Variants in KCNT2 observed in about 807,000 individuals in gnomAD.
KCNT2 encodes potassium sodium-activated channel subfamily T member 2.
A neutral mutation model predicts 153.8 loss-of-function variants in KCNT2; 67 were observed. The ratio of observed to expected loss-of-function variants is 0.44; its 90% confidence interval spans 0.36 to 0.53. The LOEUF is 0.53. Ranked by LOEUF, KCNT2 falls within the 20% of genes least tolerant of loss-of-function variation. The pLI is 0.00. For synonymous variants in KCNT2, 500 were observed against 458.8 expected, an observed-to-expected ratio of 1.09 and a Z score of -1.15; for missense variants, 975 against 1,354.8, an observed-to-expected ratio of 0.72 and a Z score of 4.40.
chr1:196,382,857 T>G (rs1290082593), intron 13 of KCNT2, among the ~76,000 whole-genome samples: 1 of 152,146 alleles, frequency 6.6e-6, no homozygotes, highest in Non-Finnish European at 1.5e-5. Flanking sequence ...TTGAGCTGCC[T>G]GAACATGAGT....
chr1:196,293,961 G>A (rs889870138), intron 22 of KCNT2, among the ~76,000 whole-genome samples: 13 of 151,456 alleles, frequency 8.6e-5, no homozygotes, highest in South Asian at 2.1e-4. Context: ...CATTTGATAG[G>A]GGGCTCATAT....
At chr1:196,350,265 C>A (rs141043346) in intron 14 of KCNT2, among the ~76,000 whole-genome samples, 7,406 of 152,154 alleles carry the variant, frequency 0.049, 276 homozygotes, top group Non-Finnish European at 0.072. Context: ...AGTTCTAGAT[C>A]CCTGAGGAAT....
chr1:196,314,384 T>C (rs1662497728), intron 21 of KCNT2, among the ~76,000 whole-genome samples: 1 of 151,586 alleles, frequency 6.6e-6, no homozygotes, highest in Non-Finnish European at 1.5e-5. Flanking sequence ...TTCTTTTATA[T>C]TCTCTAGAGA....
chr1:196,431,019 T>C (rs866830413), intron 8 of KCNT2, among the ~76,000 whole-genome samples: 1 of 152,120 alleles, frequency 6.6e-6, no homozygotes, highest in African/African-American at 2.4e-5. Context: ...AGCAATCTTA[T>C]AAAAGTGTTG....
At chr1:196,338,971 AAAAG>A (rs1665316743) in intron 16 of KCNT2, among the ~76,000 whole-genome samples, 1 of 151,420 alleles carries the variant, frequency 6.6e-6, no homozygotes, top group African/African-American at 2.4e-5. Flanking sequence ...AAAAAAAAAA[AAAAG>A]GAGAAGGAGA....
intron 1 of KCNT2, among the ~76,000 whole-genome samples, chr1:196,559,113 G>A (rs926711084): frequency 1.3e-5 from 2 of 151,026 alleles, no homozygotes; most frequent in African/African-American, 4.8e-5. Flanking sequence ...TTAAAGCACA[G>A]CTTTTTAAGA....
chr1:196,581,921 T>G (rs1352023501), intron 1 of KCNT2, among the ~76,000 whole-genome samples: 1 of 152,164 alleles, frequency 6.6e-6, no homozygotes, highest in Non-Finnish European at 1.5e-5. Flanking sequence ...AATGCCTCTA[T>G]GTTCACATTT....
intron 19 of KCNT2, among the ~76,000 whole-genome samples, chr1:196,323,980 G>C (rs953625185): frequency 6.8e-6 from 1 of 146,756 alleles, no homozygotes; most frequent in East Asian, 2.0e-4. Flanking sequence ...AAAAAAAAAA[G>C]AATTGCATAA....
chr1:196,295,653 A>C (rs1478575393), intron 22 of KCNT2, among the ~76,000 whole-genome samples: 1 of 152,040 alleles, frequency 6.6e-6, no homozygotes, highest in African/African-American at 2.4e-5. Context: ...CTACAGTATA[A>C]GTGTAAAAAC....
chr1:196,343,006 C>T (rs1166986445), intron 14 of KCNT2: 5 of 152,120 alleles, frequency 3.3e-5, no homozygotes, highest in Admixed American at 2.6e-4. Context: ...TATCTTCCCG[C>T]CATGTGAAAA....
intron 6 of KCNT2, among the ~76,000 whole-genome samples, chr1:196,468,007 AAAT>A (rs1438709936): frequency 6.6e-6 from 1 of 152,110 alleles, no homozygotes; most frequent in African/African-American, 2.4e-5. Flanking sequence ...AGCAAAAAGA[AAAT>A]AATAATCTTT....
chr1:196,503,205 G>A (rs183923322), intron 1 of KCNT2, among the ~76,000 whole-genome samples: 1 of 151,368 alleles, frequency 6.6e-6, no homozygotes, highest in Admixed American at 6.6e-5. Context: ...TTATTTCCAC[G>A]TTTTTCTTCT....
intron 26 of KCNT2, among the ~76,000 whole-genome samples, chr1:196,245,407 A>G (rs1655348660): frequency 6.6e-6 from 1 of 152,192 alleles, no homozygotes; most frequent in South Asian, 2.1e-4. Flanking sequence ...ATGGGTACAC[A>G]CAAGCCCAGA....
chr1:196,305,795 A>G (rs2147980616), intron 21 of KCNT2, among the ~76,000 whole-genome samples: 1 of 152,220 alleles, frequency 6.6e-6, no homozygotes, highest in South Asian at 2.1e-4. Context: ...ATAGTGGGCA[A>G]TTTTTAAATG....
chr1:196,608,133 C>A, intron 1 of KCNT2, 82 bp downstream of exon 1: 1 of 1,267,408 alleles, frequency 7.9e-7, no homozygotes, highest in South Asian at 1.2e-5. Flanking sequence ...TCCTTTTCTC[C>A]CTCCTTTCCC....
intron 19 of KCNT2, among the ~76,000 whole-genome samples, chr1:196,323,693 C>T (rs1345963423): frequency 3.3e-5 from 5 of 151,754 alleles, no homozygotes; most frequent in Non-Finnish European, 5.9e-5. Context: ...ATTACATCTG[C>T]TATTATTTAT....
chr1:196,467,409 G>T (rs1379498538), intron 7 of KCNT2, among the ~76,000 whole-genome samples: 1 of 150,026 alleles, frequency 6.7e-6, no homozygotes, highest in Non-Finnish European at 1.5e-5. Flanking sequence ...TTTACACTAT[G>T]CATCACTTTA....
At chr1:196,472,313 T>C (rs760713921) in intron 5 of KCNT2, among the ~76,000 whole-genome samples, 9 of 152,210 alleles carry the variant, frequency 5.9e-5, no homozygotes, top group Non-Finnish European at 1.0e-4. Context: ...TTTGAAAGAA[T>C]GATATTGTTT....
At chr1:196,246,779 C>A (rs73063982) in intron 26 of KCNT2, among the ~76,000 whole-genome samples, 16,397 of 151,740 alleles carry the variant, frequency 0.11, 1,264 homozygotes, top group African/African-American at 0.22. Flanking sequence ...ACAACAGATA[C>A]ATGATAAATA....
Sources: allele counts gnomAD v4.1 joint callset (sites outside exome capture counted in the v4.1 genomes callset), GRCh38; gene constraint gnomAD v4.1.1; transcripts MANE v1.5; gene names NCBI Gene and HGNC (gene_info 2026-07-23, HGNC 2026-07-21).